RARS2: variants seen among roughly 807,000 people sequenced by gnomAD.
RARS2 encodes probable arginine--tRNA ligase, mitochondrial.
Under a neutral mutation model 88.5 loss-of-function variants are expected in RARS2, and 67 were observed. That is an observed-to-expected ratio of 0.76 (90% CI 0.62 to 0.93). RARS2 has a LOEUF of 0.93. RARS2 is among the 40% of genes least tolerant of loss of function. The probability of loss-of-function intolerance (pLI) is 0.00; values close to 1 mark genes in which losing one functional copy is unlikely to be tolerated. For synonymous variants in RARS2, 239 were observed against 230.3 expected, an observed-to-expected ratio of 1.04 and a Z score of -0.34; for missense variants, 664 against 684.2, an observed-to-expected ratio of 0.97 and a Z score of 0.33.
chr6:87,588,444 T>C (rs1428811639), intron 1 of RARS2, among the ~76,000 whole-genome samples: 1 of 152,192 alleles, frequency 6.6e-6, no homozygotes, highest in African/African-American at 2.4e-5. Context: ...CATAGCTCAC[T>C]GTAGCTTCAA....
intron 17 of RARS2, among the ~76,000 whole-genome samples, chr6:87,517,227 G>T (rs959477043): frequency 6.6e-6 from 1 of 152,084 alleles, no homozygotes; most frequent in Non-Finnish European, 1.5e-5. Context: ...TCAGTGAGCC[G>T]AGATCCAGCC....
chr6:87,585,056 G>A (rs1474435760), intron 1 of RARS2, among the ~76,000 whole-genome samples: 2 of 152,174 alleles, frequency 1.3e-5, no homozygotes, highest in Non-Finnish European at 1.5e-5. Context: ...AGGTATTCCT[G>A]GAACTGGGGA....
intron 5 of RARS2, among the ~76,000 whole-genome samples, chr6:87,550,468 A>C (rs1036699652): frequency 6.6e-6 from 1 of 152,114 alleles, no homozygotes; most frequent in South Asian, 2.1e-4. Context: ...AGAAACTAGA[A>C]AAAGTAGAGC....
At position 87,568,183 on chromosome 6, in the gene RARS2, CT is replaced by C. The variant is rs574101147; in HGVS notation, c.110+1333del. Among the ~76,000 whole-genome samples, 11 of 152,274 alleles carry C rather than the reference CT, an allele frequency of 7.2e-5. No individual in the cohort carries two copies. In the East Asian group the frequency reaches 1.5e-3, roughly 21 times the overall value. On this transcript the variant is annotated intron_variant, in intron 2 of 19. Transcript: ENST00000369536. ...CAAGATGGTTCAGCTTATTAAAGAC[CT>C]TTGACACATTAAATGAAAATGGAAA...
chr6:87,587,126 C>T (rs1314069925), intron 1 of RARS2, among the ~76,000 whole-genome samples: 1 of 152,096 alleles, frequency 6.6e-6, no homozygotes, highest in Non-Finnish European at 1.5e-5. Flanking sequence ...CTCAAGTGAT[C>T]TGCCTGTCTC....
intron 10 of RARS2, among the ~76,000 whole-genome samples, chr6:87,526,856 A>G (rs1290437951): frequency 6.6e-6 from 1 of 151,732 alleles, no homozygotes; most frequent in Admixed American, 6.6e-5. Flanking sequence ...TTTTTAGTAG[A>G]GATGGGGTTT....
At chr6:87,551,801 T>G (rs1304437721) in intron 5 of RARS2, among the ~76,000 whole-genome samples, 1 of 151,852 alleles carries the variant, frequency 6.6e-6, no homozygotes, top group Admixed American at 6.6e-5. Context: ...GCGAGAAGAG[T>G]GTCTCACACT....
At chr6:87,586,881 GTTATTTATTTATTTATTTATTTAT>G (rs145438214) in intron 1 of RARS2, among the ~76,000 whole-genome samples, 3 of 147,412 alleles carry the variant, frequency 2.0e-5, no homozygotes. Context: ...TGTGGGGTTG[GTTATTTATTTATTTATTTATTTAT>G]TTATTTATTT....
intron 1 of RARS2, among the ~76,000 whole-genome samples, chr6:87,572,142 T>C (rs1400667443): frequency 2.0e-5 from 3 of 152,110 alleles, no homozygotes; most frequent in Admixed American, 2.0e-4. Flanking sequence ...AGTTCTACTT[T>C]TATTAGTTAA....
intron 9 of RARS2, among the ~76,000 whole-genome samples, chr6:87,530,240 C>A (rs536267894): frequency 6.6e-6 from 1 of 152,220 alleles, no homozygotes; most frequent in African/African-American, 2.4e-5. Flanking sequence ...ATCTTGCTTA[C>A]TTACTCCAGT....
chr6:87,541,875 T>C (rs372666874), intron 8 of RARS2, 43 bp downstream of exon 8: 9 of 1,398,782 alleles, frequency 6.4e-6, no homozygotes, highest in South Asian at 3.5e-5. Flanking sequence ...CTAAGCTACA[T>C]AGTACTCTGA....
intron 1 of RARS2, among the ~76,000 whole-genome samples, chr6:87,574,168 T>G (rs988567947): frequency 1.3e-5 from 2 of 152,222 alleles, no homozygotes; most frequent in Non-Finnish European, 2.9e-5. Context: ...CCAATGGCCT[T>G]TCCAATGAAA....
At chr6:87,578,245 T>C (rs1772243248) in intron 1 of RARS2, among the ~76,000 whole-genome samples, 1 of 152,204 alleles carries the variant, frequency 6.6e-6, no homozygotes, top group African/African-American at 2.4e-5. Flanking sequence ...AACTTAAAAA[T>C]AACACTCTGA....
At chr6:87,550,075 T>C (rs868234775) in intron 5 of RARS2, among the ~76,000 whole-genome samples, 10 of 152,318 alleles carry the variant, frequency 6.6e-5, no homozygotes, top group African/African-American at 2.4e-4. Context: ...CTTGATCCTA[T>C]GGATATGTGT....
chr6:87,530,900 C>G lies in RARS2; in HGVS notation c.655G>C (p.Val219Leu). ...AAGAACTCCTGTGCTGCTTTTGCTA[C>G]ACTTTTATCATCTGCTGCTTCTTTA... ...VNKEAADDKSVAKAAQEFFQR... is the reference protein window; with the variant it reads ...VNKEAADDKSLAKAAQEFFQR... The change falls in exon 9 of 20, where the codon GTA (valine) becomes CTA (leucine). Residue 219 changes from valine (V) to leucine (L), a missense_variant. Val to Leu is a conservative substitution (Grantham distance 32). Coordinates refer to ENST00000369536, the MANE Select transcript of RARS2 (RefSeq NM_020320.5). 1.2e-6 allele frequency: 2 copies of G among 1,614,172 alleles called. No individual in the cohort carries two copies. The highest frequency in any genetic ancestry group is 4.5e-5 in the East Asian group (2 of 44,886).
Position 87,562,687 on chromosome 6 carries a change from T to C in RARS2, c.297+15A>G, listed in dbSNP as rs779936405. ...AGAATGAAAGCACAATGGCTGGATA[T>C]TAACTTATTCTTACCTTTGTTAAGA... On this transcript the variant is annotated intron_variant, in intron 4 of 19. Coordinates refer to ENST00000369536, the MANE Select transcript of RARS2 (RefSeq NM_020320.5). The C allele has an allele frequency of 3.8e-6, 6 of 1,571,522 alleles. No individual in the cohort carries two copies. In the East Asian group the frequency reaches 1.1e-4, roughly 29 times the overall value.
At chr6:87,555,735 G>A (rs1006409513) in intron 4 of RARS2, among the ~76,000 whole-genome samples, 1 of 152,136 alleles carries the variant, frequency 6.6e-6, no homozygotes, top group Non-Finnish European at 1.5e-5. Flanking sequence ...TATACTCCAT[G>A]TCTATTCATT....
At chr6:87,578,459 C>T (rs1405488986) in intron 1 of RARS2, among the ~76,000 whole-genome samples, 1 of 152,032 alleles carries the variant, frequency 6.6e-6, no homozygotes, top group Non-Finnish European at 1.5e-5. Context: ...AATGAGCAGG[C>T]ATTATTTTGC....
intron 9 of RARS2, 32 bp downstream of exon 9, chr6:87,530,752 A>T: frequency 1.2e-6 from 2 of 1,611,386 alleles, no homozygotes; most frequent in Non-Finnish European, 1.7e-6. Flanking sequence ...GCACTGCATC[A>T]TGGGAAAGCA....
Sources: allele counts gnomAD v4.1 joint callset (sites outside exome capture counted in the v4.1 genomes callset), GRCh38; gene constraint gnomAD v4.1.1; transcripts MANE v1.5; gene names NCBI Gene and HGNC (gene_info 2026-07-23, HGNC 2026-07-21).